The following USP28 variants were observed in gnomAD, a reference collection of about 807,000 sequenced individuals.
The protein encoded by USP28 is ubiquitin carboxyl-terminal hydrolase 28.
USP28 carries 113 observed loss-of-function variants against 145.0 expected under a neutral mutation model. That is an observed-to-expected ratio of 0.78 (90% confidence interval 0.67 to 0.91). USP28 has a LOEUF of 0.91. Among genes scored for constraint, USP28 ranks in the 40% least tolerant of loss-of-function variants. USP28 has a pLI of 0.00. For missense variants in USP28, 1,201 were observed against 1,289.6 expected, an observed-to-expected ratio of 0.93 and a Z score of 1.05; for synonymous variants, 447 against 450.9, an observed-to-expected ratio of 0.99 and a Z score of 0.11.
rs1325610200 is a variant in USP28 at position 113,832,002 on chromosome 11, G to A, written c.760-9C>T. On this transcript the variant is annotated splice_polypyrimidine_tract_variant and intron_variant, in intron 7 of 24. Transcript: ENST00000003302. ...AATTCACTCACATCTTGCTATAAGAGAGGCACAAATTGCATAAAAGTTAGA... is the reference window on the plus strand; with the variant it reads ...AATTCACTCACATCTTGCTATAAGAAAGGCACAAATTGCATAAAAGTTAGA... The A allele has an allele frequency of 2.5e-6, 4 of 1,611,494 alleles. No individual in the cohort carries two copies. The highest frequency in any genetic ancestry group is 1.1e-5 in the South Asian group (1 of 90,958).
chr11:113,811,367 A>G (rs1242908583), intron 16 of USP28, among the ~76,000 whole-genome samples: 2 of 152,234 alleles, frequency 1.3e-5, no homozygotes, highest in African/African-American at 4.8e-5. Flanking sequence ...TAGTATTACA[A>G]CAACTGTGAA....
chr11:113,830,126 G>A (rs142363009), intron 9 of USP28, among the ~76,000 whole-genome samples: 105 of 152,296 alleles, frequency 6.9e-4, no homozygotes, highest in Middle Eastern at 3.4e-3. Context: ...AACGATGGAG[G>A]GGGAGCCTAC....
At chr11:113,812,704 A>G (rs1439251082) in intron 15 of USP28, among the ~76,000 whole-genome samples, 200 bp from the exon 16 acceptor site, 1 of 152,214 alleles carries the variant, frequency 6.6e-6, no homozygotes, top group Non-Finnish European at 1.5e-5. Flanking sequence ...TGAAAACCAG[A>G]TCGCTGAACT....
chr11:113,834,458 TTTGAC>T lies in USP28; in HGVS notation c.535-128_535-124del, dbSNP rs1320525222. ...GTATGCAAAACTATCAACCTGGCAA[TTTGAC>T]TTATGTTATTTCTAAGGAAATAATG... On this transcript the variant is annotated intron_variant, in intron 5 of 24. Transcript: ENST00000003302. 14 of 620,038 alleles carry T rather than the reference TTTGAC, an allele frequency of 2.3e-5. No homozygotes were observed. The East Asian group carries it at 4.0e-4, about 18-fold the overall frequency. The allele number at this position is 620,038 out of a possible 1,614,324, so 38.4% of individuals were successfully genotyped here.
At chr11:113,836,811 G>A (rs1189457757) in intron 5 of USP28, among the ~76,000 whole-genome samples, 1 of 152,022 alleles carries the variant, frequency 6.6e-6, no homozygotes, top group African/African-American at 2.4e-5. Context: ...CTGCCACTGG[G>A]GACTTTCAGT....
At chr11:113,836,501 C>T (rs1243397202) in intron 5 of USP28, among the ~76,000 whole-genome samples, 1 of 152,156 alleles carries the variant, frequency 6.6e-6, no homozygotes, top group Non-Finnish European at 1.5e-5. Context: ...AATGAAGCTC[C>T]CGATTCACTG....
At chr11:113,832,714 A>AG (rs1358313151) in intron 7 of USP28, among the ~76,000 whole-genome samples, 3 of 152,212 alleles carry the variant, frequency 2.0e-5, no homozygotes, top group African/African-American at 7.2e-5. Context: ...AAATAGAGAA[A>AG]GAAAAAAAAT....
intron 11 of USP28, among the ~76,000 whole-genome samples, chr11:113,825,976 G>A (rs1943239607): frequency 6.6e-6 from 1 of 152,058 alleles, no homozygotes; most frequent in Non-Finnish European, 1.5e-5. Context: ...TAAACCATGG[G>A]ATAAGAATGA....
At chr11:113,838,469 A>C (rs995534317) in intron 5 of USP28, among the ~76,000 whole-genome samples, 1 of 152,034 alleles carries the variant, frequency 6.6e-6, no homozygotes, top group Non-Finnish European at 1.5e-5. Context: ...CACCTTTCCT[A>C]TCCCACTGCT....
chr11:113,814,929 A>AT (rs1941495569), intron 14 of USP28, among the ~76,000 whole-genome samples: 1 of 151,656 alleles, frequency 6.6e-6, no homozygotes, highest in South Asian at 2.1e-4. Flanking sequence ...GTACATGCCT[A>AT]TAATCCCAGC....
chr11:113,829,094 T>C, intron 10 of USP28, 103 bp downstream of exon 10: 2 of 1,490,622 alleles, frequency 1.3e-6, no homozygotes, highest in Middle Eastern at 1.8e-4. Context: ...TTCTGCTAAG[T>C]GTAAAGTTAC....
chr11:113,868,390 GC>G (rs1445155512), intron 1 of USP28, among the ~76,000 whole-genome samples: 3 of 151,748 alleles, frequency 2.0e-5, no homozygotes, highest in African/African-American at 7.3e-5. Flanking sequence ...TTCATAGAGT[GC>G]CTATGAGGGT....
chr11:113,827,135 A>C (rs1475906153), intron 11 of USP28, 98 bp downstream of exon 11: 2 of 1,412,102 alleles, frequency 1.4e-6, no homozygotes, highest in African/African-American at 3.0e-5. Context: ...GCATATTATC[A>C]TGTCTCCCAG....
At chr11:113,833,578 G>A (rs568815447) in intron 6 of USP28, 21 bp from the exon 7 acceptor site, 1 of 1,594,802 alleles carries the variant, frequency 6.3e-7, no homozygotes, top group South Asian at 1.1e-5. Flanking sequence ...CACAGTACAT[G>A]TACTCTTACA....
exon 3 of USP28, chr11:113,852,630 T>C: frequency 6.2e-7 from 1 of 1,614,072 alleles, no homozygotes; most frequent in South Asian, 1.1e-5. Context: ...TCACCATTAC[T>C]GGCCTATGGG....
chr11:113,859,317 T>C (rs1947394927), intron 1 of USP28: 1 of 152,208 alleles, frequency 6.6e-6, no homozygotes, highest in Admixed American at 6.5e-5. Flanking sequence ...CAAAGATAGC[T>C]ATAAAACACA....
intron 3 of USP28, among the ~76,000 whole-genome samples, chr11:113,847,876 T>C (rs1946048947): frequency 6.6e-6 from 1 of 152,166 alleles, no homozygotes; most frequent in Non-Finnish European, 1.5e-5. Flanking sequence ...AGGACACCCC[T>C]TCAGTGTGGA....
chr11:113,835,448 A>G, intron 5 of USP28: 1 of 426,300 alleles, frequency 2.3e-6, no homozygotes, highest in Non-Finnish European at 4.7e-6. Flanking sequence ...GGTACTGACT[A>G]GAGCCCACGT....
intron 7 of USP28, 110 bp downstream of exon 7, chr11:113,833,310 T>C (rs960439530): frequency 7.0e-7 from 1 of 1,425,742 alleles, no homozygotes; most frequent in South Asian, 1.4e-5. Flanking sequence ...CGAGCATCCA[T>C]AGTCCTGCTT....
Sources: gnomAD v4.1 joint callset for allele counts (sites outside exome capture counted in the v4.1 genomes callset) on GRCh38, gnomAD v4.1.1 for gene constraint, MANE v1.5 for transcripts, NCBI Gene and HGNC (gene_info 2026-07-23, HGNC 2026-07-21) for gene names.